DOCK1: variants seen among roughly 807,000 people sequenced by gnomAD.
The protein encoded by DOCK1 is dedicator of cytokinesis protein 1.
A neutral mutation model predicts 262.7 loss-of-function variants in DOCK1; 138 were observed. The observed-to-expected ratio is 0.53, with a 90% CI of 0.46 to 0.61. The LOEUF (loss-of-function observed/expected upper bound fraction) is 0.61. Among genes scored for constraint, DOCK1 ranks in the 20% least tolerant of loss-of-function variants. The pLI, the probability that DOCK1 is intolerant of heterozygous loss-of-function variation, is 0.00. For missense variants in DOCK1, 1,908 were observed against 2,370.7 expected, an observed-to-expected ratio of 0.80 and a Z score of 4.05; for synonymous variants, 866 against 867.4, an observed-to-expected ratio of 1.00 and a Z score of 0.03.
rs760515615 is a variant in DOCK1, at chr10:126,987,611, C to G, written c.318C>G (p.Leu106=). ...AGTGGTCCACCATCTGGAGGCAGCT[C>G]TACGTGGTGAGAAAATGAGATATTC... The part of the protein sequence containing the change: ...LREWSTIWRQ[L]YVQDNREMFR... The change falls in exon 5 of 52, where the codon CTC becomes CTG. Residue 106 remains leucine, a synonymous_variant. Transcript: ENST00000623213. 10 of 1,560,510 alleles carry G rather than the reference C, an allele frequency of 6.4e-6. No individual in the cohort carries two copies. Among genetic ancestry groups the G allele is most frequent in the Non-Finnish European group, 8.7e-6 (10 of 1,151,620 alleles).
At chr10:127,286,062 G>A (rs2061142180) in intron 29 of DOCK1, among the ~76,000 whole-genome samples, 1 of 151,964 alleles carries the variant, frequency 6.6e-6, no homozygotes, top group Non-Finnish European at 1.5e-5. Flanking sequence ...TCAGCCCGAT[G>A]CGTCTACTGC....
intron 29 of DOCK1, among the ~76,000 whole-genome samples, chr10:127,330,154 G>C (rs1314868210): frequency 6.6e-6 from 1 of 152,148 alleles, no homozygotes; most frequent in Non-Finnish European, 1.5e-5. Flanking sequence ...AGAAACAGGT[G>C]TGAACTCTCC....
intron 22 of DOCK1, among the ~76,000 whole-genome samples, chr10:127,057,100 A>T (rs1038499146): frequency 6.6e-6 from 1 of 152,128 alleles, no homozygotes; most frequent in Non-Finnish European, 1.5e-5. Flanking sequence ...AAAGAGCCCC[A>T]CGTCCCACAC....
chr10:127,177,072 C>G (rs1388202197), intron 27 of DOCK1: 1 of 151,988 alleles, frequency 6.6e-6, no homozygotes, highest in East Asian at 1.9e-4. Flanking sequence ...ACGTGGGTTT[C>G]CCTGCATCTA....
At chr10:127,316,964 C>T (rs1181919526) in intron 29 of DOCK1, among the ~76,000 whole-genome samples, 1 of 152,080 alleles carries the variant, frequency 6.6e-6, no homozygotes, top group East Asian at 1.9e-4. Flanking sequence ...TCAAATAATT[C>T]ACCCCAAACT....
At chr10:127,291,641 C>T (rs1481635781) in intron 29 of DOCK1, among the ~76,000 whole-genome samples, 3 of 152,220 alleles carry the variant, frequency 2.0e-5, no homozygotes, top group African/African-American at 7.2e-5. Context: ...GAGCTCTCAT[C>T]AGCAGCTGAG....
At chr10:127,195,376 C>T (rs572127971) in intron 27 of DOCK1, among the ~76,000 whole-genome samples, 83 of 152,300 alleles carry the variant, frequency 5.4e-4, no homozygotes, top group African/African-American at 1.9e-3. Context: ...ACCGGGAAGC[C>T]CCGCGGCGCC....
At chr10:127,286,657 C>T (rs983341077) in intron 29 of DOCK1, among the ~76,000 whole-genome samples, 4 of 152,066 alleles carry the variant, frequency 2.6e-5, no homozygotes, top group African/African-American at 7.2e-5. Context: ...TCATGTCGTT[C>T]ATAAATATTT....
intron 6 of DOCK1, among the ~76,000 whole-genome samples, chr10:126,994,975 G>C (rs1184089620): frequency 6.6e-6 from 1 of 151,154 alleles, no homozygotes; most frequent in Non-Finnish European, 1.5e-5. Context: ...GGGGCGGCCC[G>C]TCAGAGACGC....
rs375009537 is a variant in DOCK1 at position 127,384,826 on chromosome 10, C to G, written c.3844C>G (p.Arg1282Gly). 4.4e-6 allele frequency: 7 copies of G among 1,607,140 alleles called. No homozygotes were observed. The highest frequency in any genetic ancestry group is 5.9e-6 in the Non-Finnish European group (7 of 1,177,858). The change falls in exon 38 of 52, where the codon CGG becomes GGG. Residue 1282 changes from arginine (R) to glycine (G), a missense_variant. By Grantham distance (125) the Arg-to-Gly change is moderately radical. Around this residue, in one of 9 missense-constraint regions of DOCK1, gnomAD observed 267 missense variants for 366.3 expected, o/e 0.73. Transcript: ENST00000623213. The part of the protein sequence containing the change: ...EDVCVAHLTQ[R>G]DGYQATTQGQ... ...TGTGTGTGTGGCCCACCTCACCCAG[C>G]GGGACGGGTACCAGGCCACCACGCA...
chr10:127,295,887 T>A (rs766369429), intron 29 of DOCK1, among the ~76,000 whole-genome samples: 145 of 152,310 alleles, frequency 9.5e-4, no homozygotes, highest in Non-Finnish European at 9.0e-4. Flanking sequence ...ATGAAAAACC[T>A]AAAATCAGGT....
intron 27 of DOCK1, among the ~76,000 whole-genome samples, chr10:127,211,349 C>G (rs1445403955): frequency 6.6e-6 from 1 of 152,184 alleles, no homozygotes; most frequent in East Asian, 1.9e-4. Flanking sequence ...AAAGGAGAGA[C>G]ACTCCTCTCA....
chr10:127,220,926 C>T lies in DOCK1; in HGVS notation c.2848-27082C>T, dbSNP rs2065655. Reference sequence around the variant, plus strand: ...GAGCTCTCCTCTCTCTATGCCGATGCTTTCAGCATCCTCAGAATAGCAGCT... The same window carrying T: ...GAGCTCTCCTCTCTCTATGCCGATGTTTTCAGCATCCTCAGAATAGCAGCT... On this transcript the variant is annotated intron_variant, in intron 27 of 51. Coordinates refer to ENST00000623213, the MANE Select transcript of DOCK1 (RefSeq NM_001290223.2). 8.6e-4 allele frequency among the ~76,000 whole-genome samples: 131 copies of T among 152,296 alleles called. 3 individuals are homozygous for T. The East Asian group carries it at 0.018, about 20-fold the overall frequency.
intron 1 of DOCK1, among the ~76,000 whole-genome samples, chr10:126,963,134 A>G (rs1591463415): frequency 6.6e-6 from 1 of 152,274 alleles, no homozygotes; most frequent in African/African-American, 2.4e-5. Context: ...GTAGCTTTGT[A>G]GTAGGTATTG....
chr10:127,002,137 GT>G (rs960069386), intron 10 of DOCK1, among the ~76,000 whole-genome samples: 4 of 152,028 alleles, frequency 2.6e-5, no homozygotes, highest in South Asian at 4.2e-4. Context: ...TTCCAGGATT[GT>G]TTTTTTTCTT....
At chr10:127,354,301 G>T (rs912658640) in intron 31 of DOCK1, among the ~76,000 whole-genome samples, 1 of 152,226 alleles carries the variant, frequency 6.6e-6, no homozygotes, top group Non-Finnish European at 1.5e-5. Context: ...CCTGTTGTGT[G>T]CAGTAGGATG....
intron 23 of DOCK1, among the ~76,000 whole-genome samples, chr10:127,090,983 G>GT (rs34548050): frequency 0.23 from 30,890 of 137,092 alleles, 3,652 homozygotes; most frequent in African/African-American, 0.28. Flanking sequence ...CGTCTATTTG[G>GT]TTTTTTTTTT....
intron 29 of DOCK1, chr10:127,272,270 C>G (rs949238472): frequency 6.6e-6 from 1 of 152,196 alleles, no homozygotes; most frequent in Non-Finnish European, 1.5e-5. Flanking sequence ...ACAGCTTGAT[C>G]TTTTCAGTTC....
intron 1 of DOCK1, among the ~76,000 whole-genome samples, chr10:126,943,932 T>G (rs2035203397): frequency 1.3e-5 from 2 of 152,104 alleles, no homozygotes; most frequent in Admixed American, 6.6e-5. Context: ...GAATTTGGAC[T>G]TAATGCTCAG....
Sources: allele counts gnomAD v4.1 joint callset (sites outside exome capture counted in the v4.1 genomes callset), GRCh38; gene constraint gnomAD v4.1.1; regional missense constraint gnomAD v4.1.1; transcripts MANE v1.5; gene names NCBI Gene and HGNC (gene_info 2026-07-23, HGNC 2026-07-21).